Variants in SPMIP4 observed in about 807,000 individuals in gnomAD.
The protein encoded by SPMIP4 is sperm microtubule inner protein 4.
chr7:25,135,396 A>G, the SPMIP4 span: 24 of 985,384 alleles, frequency 2.4e-5, no homozygotes, highest in South Asian at 1.1e-3. Flanking sequence ...TCGCTGACTT[A>G]TTTTCTTTAC....
chr7:25,130,238 C>T, the SPMIP4 span, among the ~76,000 whole-genome samples: 10 of 145,180 alleles, frequency 6.9e-5, no homozygotes, highest in East Asian at 3.9e-4. Flanking sequence ...AGAAAGACTC[C>T]GCATCTCAAA....
the SPMIP4 span, among the ~76,000 whole-genome samples, chr7:25,129,189 C>A: frequency 2.6e-5 from 4 of 152,204 alleles, no homozygotes; most frequent in Non-Finnish European, 5.9e-5. Flanking sequence ...GCTCCAAGCC[C>A]AGCAACAGAA....
the SPMIP4 span, among the ~76,000 whole-genome samples, chr7:25,155,663 T>TCAATCAA: frequency 1.3e-5 from 2 of 152,102 alleles, no homozygotes; most frequent in Non-Finnish European, 2.9e-5. Context: ...CTTTAAGCAA[T>TCAATCAA]CAATCAACAA....
chr7:25,158,497 T>G, the SPMIP4 span: 5 of 1,606,406 alleles, frequency 3.1e-6, no homozygotes, highest in Admixed American at 8.4e-5. Context: ...AGTTATTTAC[T>G]TACCCTACTG....
chr7:25,142,362 TTAGGG>T, the SPMIP4 span: 1 of 1,488,506 alleles, frequency 6.7e-7, no homozygotes, highest in Non-Finnish European at 9.3e-7. Context: ...TATTATTTTG[TTAGGG>T]TAAACGAAGA....
At chr7:25,146,646 C>G in the SPMIP4 span, among the ~76,000 whole-genome samples, 6 of 152,116 alleles carry the variant, frequency 3.9e-5, no homozygotes, top group Admixed American at 3.9e-4. Flanking sequence ...AAAACTGCTC[C>G]CCTTTGAAGG....
the SPMIP4 span, among the ~76,000 whole-genome samples, chr7:25,166,230 C>CT: frequency 2.9e-5 from 2 of 69,228 alleles, no homozygotes; most frequent in Non-Finnish European, 4.0e-5. Context: ...TTCTTTCCGT[C>CT]TTCTTTTTTT....
chr7:25,165,841 T>C, the SPMIP4 span, among the ~76,000 whole-genome samples: 1 of 152,250 alleles, frequency 6.6e-6, no homozygotes, highest in Non-Finnish European at 1.5e-5. Context: ...GCTGCTGTTG[T>C]TTAGAGTGAC....
the SPMIP4 span, among the ~76,000 whole-genome samples, chr7:25,129,102 G>A: frequency 6.6e-6 from 1 of 152,212 alleles, no homozygotes; most frequent in African/African-American, 2.4e-5. Context: ...CCTGTGGCTT[G>A]GAGAAGGGTG....
the SPMIP4 span, among the ~76,000 whole-genome samples, chr7:25,169,698 C>T: frequency 6.6e-6 from 1 of 152,210 alleles, no homozygotes; most frequent in East Asian, 1.9e-4. Context: ...TCTCAGCCTC[C>T]CGAGTAGCTG....
At chr7:25,142,952 G>T in the SPMIP4 span, 1 of 529,120 alleles carries the variant, frequency 1.9e-6, no homozygotes, top group Non-Finnish European at 3.3e-6. Flanking sequence ...TTAATTACTA[G>T]TTAATTACTA....
chr7:25,159,339 C>CA, the SPMIP4 span, among the ~76,000 whole-genome samples: 235 of 152,322 alleles, frequency 1.5e-3, no homozygotes, highest in African/African-American at 5.3e-3. Flanking sequence ...TTCCTGGAAG[C>CA]ATGCCTTTTC....
the SPMIP4 span, chr7:25,179,286 G>A: frequency 6.2e-7 from 1 of 1,611,774 alleles, no homozygotes; most frequent in Non-Finnish European, 8.5e-7. Context: ...GCAACAGTAG[G>A]GCCTGCCGTG....
the SPMIP4 span, chr7:25,168,371 C>A: frequency 3.1e-6 from 5 of 1,613,490 alleles, no homozygotes; most frequent in South Asian, 2.2e-5. Flanking sequence ...GGCCTGTGGT[C>A]CTCGGGGAGT....
At chr7:25,161,620 A>ATTT in the SPMIP4 span, among the ~76,000 whole-genome samples, 333 of 131,220 alleles carry the variant, frequency 2.5e-3, 3 homozygotes, top group African/African-American at 9.2e-3. Context: ...TTATTTATAG[A>ATTT]TTTTTTTTTT....
chr7:25,148,156 T>C, the SPMIP4 span, among the ~76,000 whole-genome samples: 1 of 152,210 alleles, frequency 6.6e-6, no homozygotes, highest in Non-Finnish European at 1.5e-5. Context: ...ATTCTTGTTA[T>C]GAGTTCCATT....
At chr7:25,139,186 T>C in the SPMIP4 span, among the ~76,000 whole-genome samples, 1 of 152,206 alleles carries the variant, frequency 6.6e-6, no homozygotes, top group Non-Finnish European at 1.5e-5. Flanking sequence ...CAAACAAATA[T>C]TGAACTCTGG....
the SPMIP4 span, chr7:25,168,494 C>T: frequency 6.5e-7 from 1 of 1,547,638 alleles, no homozygotes; most frequent in Non-Finnish European, 8.7e-7. Context: ...TTCAAAGAGC[C>T]TCAGCAACAT....
At chr7:25,145,245 T>G in the SPMIP4 span, among the ~76,000 whole-genome samples, 1 of 151,472 alleles carries the variant, frequency 6.6e-6, no homozygotes, top group African/African-American at 2.4e-5. Flanking sequence ...ATTACAGGCA[T>G]GAGTCACCAT....
Sources: allele counts gnomAD v4.1 joint callset (sites outside exome capture counted in the v4.1 genomes callset), GRCh38; gene constraint gnomAD v4.1.1; transcripts MANE v1.5; gene names NCBI Gene and HGNC (gene_info 2026-07-23, HGNC 2026-07-21).